Variants in ADAM32 observed in about 807,000 individuals in gnomAD.
The protein encoded by ADAM32 is disintegrin and metalloproteinase domain-containing protein 32.
A neutral mutation model predicts 114.9 loss-of-function variants in ADAM32; 89 were observed. The ratio of observed to expected loss-of-function variants is 0.77; its 90% CI spans 0.65 to 0.92. The LOEUF is 0.92. Among genes scored for constraint, ADAM32 ranks in the 40% least tolerant of loss-of-function variants. The pLI, the probability that ADAM32 is intolerant of heterozygous loss-of-function variation, is 0.00. For missense variants in ADAM32, 870 were observed against 932.8 expected (o/e 0.93, Z 0.88); for synonymous variants, 285 against 307.5 (o/e 0.93, Z 0.77).
At chr8:39,263,751 C>T (rs529115338) in intron 19 of ADAM32, among the ~76,000 whole-genome samples, 1 of 152,286 alleles carries the variant, frequency 6.6e-6, no homozygotes, top group South Asian at 2.1e-4. Flanking sequence ...TCTGTGCCTA[C>T]AGTTTTGCCC....
chr8:39,248,273 G>A (rs1336547520), intron 17 of ADAM32, among the ~76,000 whole-genome samples: 2 of 152,194 alleles, frequency 1.3e-5, no homozygotes, highest in African/African-American at 2.4e-5. Context: ...TATAGATCAA[G>A]TTAGTAAGAA....
chr8:39,267,359 T>A (rs1373620931), intron 19 of ADAM32, among the ~76,000 whole-genome samples: 1 of 152,252 alleles, frequency 6.6e-6, no homozygotes, highest in Non-Finnish European at 1.5e-5. Context: ...TTGTCTGGAT[T>A]ATTTACATCA....
At chr8:39,134,217 C>T (rs1203143197) in intron 2 of ADAM32, among the ~76,000 whole-genome samples, 3 of 151,982 alleles carry the variant, frequency 2.0e-5, no homozygotes, top group Admixed American at 6.6e-5. Context: ...TGGGGCTGGG[C>T]TTTCAACATG....
intron 12 of ADAM32, among the ~76,000 whole-genome samples, chr8:39,218,186 T>G (rs1462195568): frequency 6.6e-6 from 1 of 152,164 alleles, no homozygotes; most frequent in Non-Finnish European, 1.5e-5. Flanking sequence ...GCAGAGACAC[T>G]TATTTTCTTT....
At chr8:39,261,293 C>T (rs1238083449) in intron 19 of ADAM32, among the ~76,000 whole-genome samples, 2 of 152,090 alleles carry the variant, frequency 1.3e-5, no homozygotes, top group African/African-American at 4.8e-5. Flanking sequence ...TTTTTAGCTT[C>T]CACATATAAA....
chr8:39,237,553 G>A (rs778560238), intron 16 of ADAM32, among the ~76,000 whole-genome samples: 3 of 152,158 alleles, frequency 2.0e-5, no homozygotes. Flanking sequence ...CATGGTGGGA[G>A]TGACACTGGC....
chr8:39,201,875 A>G (rs1840582382), intron 11 of ADAM32, among the ~76,000 whole-genome samples: 2 of 152,274 alleles, frequency 1.3e-5, no homozygotes, highest in South Asian at 2.1e-4. Flanking sequence ...TTCTGCATCT[A>G]TTGAGATAAC....
intron 2 of ADAM32, 91 bp from the exon 3 acceptor site, chr8:39,136,566 G>C: frequency 1.3e-6 from 1 of 752,662 alleles, no homozygotes. Flanking sequence ...GATGTTTTAA[G>C]CATTGTTTGG....
intron 3 of ADAM32, among the ~76,000 whole-genome samples, chr8:39,143,579 G>A (rs1803312102): frequency 6.6e-6 from 1 of 152,120 alleles, no homozygotes; most frequent in South Asian, 2.1e-4. Flanking sequence ...CCTTCCTCTG[G>A]AAACTTCATC....
At chr8:39,219,794 G>A (rs550262180) in intron 12 of ADAM32, among the ~76,000 whole-genome samples, 23 of 152,214 alleles carry the variant, frequency 1.5e-4, no homozygotes, top group Middle Eastern at 3.4e-3. Flanking sequence ...ATTTCACTGT[G>A]GCTTGAGTGT....
chr8:39,117,226 C>T (rs556733354), intron 1 of ADAM32, among the ~76,000 whole-genome samples: 2 of 152,254 alleles, frequency 1.3e-5, no homozygotes, highest in East Asian at 3.9e-4. Context: ...TGTGATCTTC[C>T]TCTTCTTCTG....
At chr8:39,246,882 C>T (rs1484405827) in intron 17 of ADAM32, among the ~76,000 whole-genome samples, 2 of 152,200 alleles carry the variant, frequency 1.3e-5, no homozygotes, top group Admixed American at 6.6e-5. Context: ...TAACCCTTGG[C>T]AACCACTTAT....
chr8:39,159,885 ATG>A (rs1804385650), intron 6 of ADAM32, among the ~76,000 whole-genome samples: 1 of 152,210 alleles, frequency 6.6e-6, no homozygotes, highest in Non-Finnish European at 1.5e-5. Flanking sequence ...AATGAGCTGG[ATG>A]TGTGAGATGG....
At chr8:39,137,770 CA>C (rs34189859) in intron 3 of ADAM32, among the ~76,000 whole-genome samples, 56,437 of 136,442 alleles carry the variant, frequency 0.41, 10,765 homozygotes, top group East Asian at 0.57. Flanking sequence ...GACACTGTCT[CA>C]AAAAAAAAAA....
At chr8:39,259,628 C>A (rs1245945820) in intron 19 of ADAM32, among the ~76,000 whole-genome samples, 2 of 152,138 alleles carry the variant, frequency 1.3e-5, no homozygotes, top group Non-Finnish European at 2.9e-5. Flanking sequence ...TGTCATTTGA[C>A]TTTCAAATTT....
chr8:39,174,736 A>G (rs998944201), intron 10 of ADAM32, among the ~76,000 whole-genome samples: 1 of 146,142 alleles, frequency 6.8e-6, no homozygotes, highest in African/African-American at 2.5e-5. Flanking sequence ...ATGGTAGTTT[A>G]ATGGAAATAG....
intron 11 of ADAM32, 146 bp downstream of exon 11, chr8:39,187,191 TAGTATAA>T (rs1806295455): frequency 7.2e-6 from 5 of 690,680 alleles, no homozygotes; most frequent in East Asian, 5.7e-5. Context: ...AATGTAAAAG[TAGTATAA>T]AGTATAAACT....
chr8:39,267,126 G>A (rs751653167), intron 19 of ADAM32, among the ~76,000 whole-genome samples: 5 of 152,212 alleles, frequency 3.3e-5, no homozygotes, highest in African/African-American at 7.2e-5. Flanking sequence ...GTATATGTGC[G>A]TGCAGGCAGG....
intron 1 of ADAM32, 176 bp downstream of exon 1, chr8:39,108,009 C>A: frequency 1.2e-6 from 1 of 803,250 alleles, no homozygotes; most frequent in Non-Finnish European, 1.8e-6. Context: ...CAGGGCCCAG[C>A]ACCAGGGCTC....
Sources: gnomAD v4.1 joint callset for allele counts (sites outside exome capture counted in the v4.1 genomes callset) on GRCh38, gnomAD v4.1.1 for gene constraint, MANE v1.5 for transcripts, NCBI Gene and HGNC (gene_info 2026-07-23, HGNC 2026-07-21) for gene names.